The following PCBP3 variants were observed in gnomAD, a reference collection of about 807,000 sequenced individuals.
PCBP3 encodes poly(rC)-binding protein 3.
Under a neutral mutation model 52.7 loss-of-function variants are expected in PCBP3, and 25 were observed. The observed-to-expected ratio is 0.47, with a 90% confidence interval of 0.35 to 0.66. PCBP3 has a LOEUF of 0.66. Among genes scored for constraint, PCBP3 ranks in the 30% least tolerant of loss-of-function variants. PCBP3 has a pLI of 0.01. For synonymous variants in PCBP3, 162 were observed against 183.0 expected (o/e 0.89, Z 0.93); for missense variants, 391 against 490.3 (o/e 0.80, Z 1.91).
chr21:45,666,835 T>A (rs2080830554), intron 1 of PCBP3, among the ~76,000 whole-genome samples: 1 of 151,920 alleles, frequency 6.6e-6, no homozygotes, highest in Non-Finnish European at 1.5e-5. Context: ...TCAAGTGATT[T>A]GAGAATCCCT....
chr21:45,700,267 TTTAG>T (rs1049684612), intron 2 of PCBP3, among the ~76,000 whole-genome samples: 46 of 152,328 alleles, frequency 3.0e-4, no homozygotes, highest in African/African-American at 1.1e-3. Context: ...ATCCTGTCTT[TTTAG>T]AAAGACAATC....
chr21:45,856,936 T>C (rs2094322393), intron 5 of PCBP3, among the ~76,000 whole-genome samples: 1 of 152,206 alleles, frequency 6.6e-6, no homozygotes, highest in African/African-American at 2.4e-5. Context: ...TTGCTGACGG[T>C]TGAGTTTGTC....
chr21:45,773,424 G>C (rs1312134843), intron 4 of PCBP3, among the ~76,000 whole-genome samples: 1 of 152,050 alleles, frequency 6.6e-6, no homozygotes, highest in Non-Finnish European at 1.5e-5. Context: ...GTAAGTTCTT[G>C]TCAGCTTTGT....
At chr21:45,779,239 C>T (rs916169371) in intron 4 of PCBP3, among the ~76,000 whole-genome samples, 2 of 152,226 alleles carry the variant, frequency 1.3e-5, no homozygotes, top group Non-Finnish European at 2.9e-5. Context: ...CCTGAAGCAG[C>T]TCTGTCCCAC....
chr21:45,772,034 A>G (rs535228736), intron 4 of PCBP3, among the ~76,000 whole-genome samples: 2 of 152,322 alleles, frequency 1.3e-5, no homozygotes, highest in South Asian at 4.1e-4. Context: ...GGGACACGTG[A>G]AATTTTGTTA....
At chr21:45,868,929 A>T (rs149314420) in intron 5 of PCBP3, among the ~76,000 whole-genome samples, 2 of 152,310 alleles carry the variant, frequency 1.3e-5, no homozygotes, top group Admixed American at 1.3e-4. Context: ...AGCAAAGCTC[A>T]CGAGACTCAC....
intron 5 of PCBP3, among the ~76,000 whole-genome samples, chr21:45,882,605 C>T (rs536540564): frequency 6.6e-6 from 1 of 152,256 alleles, no homozygotes; most frequent in South Asian, 2.1e-4. Context: ...TTAACTAAAC[C>T]AGTGTCGTGG....
chr21:45,795,564 TGA>T, intron 4 of PCBP3, among the ~76,000 whole-genome samples: 1 of 152,264 alleles, frequency 6.6e-6, no homozygotes, highest in African/African-American at 2.4e-5. Context: ...GTAATGAAAG[TGA>T]GAGAATGTTG....
In PCBP3 at chr21:45,829,543, G is replaced by C. The variant is rs1217700092; in HGVS notation, c.-125-20418G>C. 2 of 152,190 alleles carry C rather than the reference G, an allele frequency of 1.3e-5. No individual in the cohort carries two copies. The highest frequency in any genetic ancestry group is 4.8e-5 in the African/African-American group (2 of 41,412). The allele number at this position is 152,190 out of a possible 1,614,324, so 9.4% of individuals were successfully genotyped here. On this transcript the variant is annotated intron_variant, in intron 4 of 17. Transcript: ENST00000681687. This position sits in a 1 kb window ranked among gnomAD's most constrained non-coding sequence, Gnocchi z 5.2. ...TTTTCTGAACATTTTGTGGCCTAGC[G>C]GTACCAGGACGGTTCTTTTAGACAC...
intron 2 of PCBP3, among the ~76,000 whole-genome samples, chr21:45,722,776 G>GTCTCC (rs1310532478): frequency 9.9e-5 from 15 of 152,034 alleles, no homozygotes; most frequent in African/African-American, 3.6e-4. Flanking sequence ...CCAAGTGGGG[G>GTCTCC]TGGATCATGA....
intron 1 of PCBP3, among the ~76,000 whole-genome samples, chr21:45,659,234 G>C (rs564210677): frequency 8.5e-4 from 129 of 150,912 alleles, no homozygotes; most frequent in African/African-American, 3.0e-3. Context: ...TTATTGATTT[G>C]AGATATTTCT....
At chr21:45,767,133 C>T (rs930251583) in intron 4 of PCBP3, among the ~76,000 whole-genome samples, 1 of 152,140 alleles carries the variant, frequency 6.6e-6, no homozygotes, top group East Asian at 1.9e-4. Context: ...CTTCATGCTA[C>T]GCAGCCACCA....
intron 2 of PCBP3, among the ~76,000 whole-genome samples, chr21:45,681,306 T>G (rs138992549): frequency 6.6e-6 from 1 of 152,364 alleles, no homozygotes; most frequent in East Asian, 1.9e-4. Flanking sequence ...CATTGAGCAA[T>G]AGGATTACTT....
intron 10 of PCBP3, among the ~76,000 whole-genome samples, chr21:45,910,015 A>G (rs1243844431): frequency 2.3e-5 from 1 of 42,882 alleles, no homozygotes; most frequent in Non-Finnish European, 4.3e-5. Flanking sequence ...CCAAATATGG[A>G]CCTGGCCCAC....
intron 2 of PCBP3, among the ~76,000 whole-genome samples, chr21:45,718,943 G>A (rs1047111731): frequency 6.6e-6 from 1 of 152,184 alleles, no homozygotes; most frequent in African/African-American, 2.4e-5. Flanking sequence ...AAGAACAGCA[G>A]TGGAGAGCTG....
At position 45,646,107 on chromosome 21, in the gene PCBP3, C is replaced by CTGTGTGTGTG. The variant is rs765931494; in HGVS notation, c.-279+2269_-279+2278dup. On this transcript the variant is annotated intron_variant, in intron 1 of 17. Transcript: ENST00000681687. ...TTTCTCTCTCTCTCTCTCTCTCTCT[C>CTGTGTGTGTG]TGTGTGTGTGTGTGTGTGTGTGTGT... Among the ~76,000 whole-genome samples the CTGTGTGTGTG allele has an allele frequency of 6.1e-3, 510 of 83,796 alleles. 2 individuals carry two copies. The highest frequency in any genetic ancestry group is 0.016 in the African/African-American group (330 of 21,018). The allele number at this position is 83,796 out of a possible 152,430, so 55.0% of individuals were successfully genotyped here. A position where few individuals can be genotyped will look rare whatever the true frequency, so the allele number is the denominator to read the frequency against.
At chr21:45,926,307 C>T (rs1049225734) in intron 13 of PCBP3, among the ~76,000 whole-genome samples, 4 of 152,292 alleles carry the variant, frequency 2.6e-5, no homozygotes, top group Admixed American at 2.6e-4. Context: ...TAGCACCTGC[C>T]GTTAAGCACA....
intron 12 of PCBP3, chr21:45,914,795 A>G (rs747601759): frequency 6.6e-6 from 1 of 152,312 alleles, no homozygotes; most frequent in Non-Finnish European, 1.5e-5. Flanking sequence ...TTGGCCTGGA[A>G]GAGCTCTGTG....
chr21:45,933,249 G>A (rs535921532), intron 15 of PCBP3, among the ~76,000 whole-genome samples: 46 of 152,292 alleles, frequency 3.0e-4, no homozygotes, highest in African/African-American at 9.1e-4. Flanking sequence ...GTCTTGAGAT[G>A]AATGAACACA....
Sources: allele counts gnomAD v4.1 joint callset (sites outside exome capture counted in the v4.1 genomes callset), GRCh38; gene constraint gnomAD v4.1.1; non-coding constraint Gnocchi (gnomAD v3.1); transcripts MANE v1.5; gene names NCBI Gene and HGNC (gene_info 2026-07-23, HGNC 2026-07-21).